The following MCUR1 variants were observed in gnomAD, a reference collection of about 807,000 sequenced individuals.
MCUR1 encodes mitochondrial calcium uniporter regulator 1, also known as MCU regulator 1.
MCUR1 carries 37 observed loss-of-function variants against 42.0 expected under a neutral mutation model. The ratio of observed to expected loss-of-function variants is 0.88; its 90% CI spans 0.68 to 1.16. The LOEUF (loss-of-function observed/expected upper bound fraction) is 1.16, where lower values mean the gene tolerates loss of function less well. MCUR1 is among the 50% of genes most tolerant of loss of function. MCUR1 has a pLI of 0.00. For missense variants in MCUR1, 469 were observed against 468.4 expected (o/e 1.00, Z -0.01); for synonymous variants, 229 against 196.2 (o/e 1.17, Z -1.40).
chr6:13,795,503 A>T (rs1447088315), intron 6 of MCUR1, among the ~76,000 whole-genome samples: 3 of 152,262 alleles, frequency 2.0e-5, no homozygotes, highest in Non-Finnish European at 2.9e-5. Flanking sequence ...ATTTAACATT[A>T]TAACTTTACC....
Position 13,790,625 on chromosome 6 carries a change from A to G in MCUR1, c.*184T>C. The G allele has an allele frequency of 2.5e-6, 1 of 399,200 alleles. No individual in the cohort carries two copies. The highest frequency in any genetic ancestry group is 4.7e-6 in the Non-Finnish European group (1 of 212,984). 24.7% of individuals were successfully genotyped at this position (399,200 alleles called of 1,614,324 possible). On this transcript the variant is annotated 3_prime_UTR_variant, in exon 9 of 9. Transcript: ENST00000379170. ...CGCCACCACGCCCGCCTAATGTTTT[A>G]ATTTTTTAGTAGAGACGGGGTTTCA...
intron 1 of MCUR1, among the ~76,000 whole-genome samples, chr6:13,807,901 G>C (rs1038675497): frequency 2.6e-5 from 4 of 152,226 alleles, no homozygotes; most frequent in South Asian, 2.1e-4. Flanking sequence ...CATTTTTTAT[G>C]GGCTTGTTGG....
chr6:13,799,051 A>T (rs1584985205), intron 5 of MCUR1, 147 bp from the exon 6 acceptor site: 1 of 589,634 alleles, frequency 1.7e-6, no homozygotes. Flanking sequence ...GCTTCCAGAG[A>T]AATGGACCTA....
In MCUR1 at chr6:13,793,967, T is replaced by C. The variant is rs769167296; in HGVS notation, c.856-20A>G. 1 of 1,611,790 alleles carries C rather than the reference T, an allele frequency of 6.2e-7. No homozygotes were observed. Among genetic ancestry groups the C allele is most frequent in the Non-Finnish European group, 8.5e-7 (1 of 1,178,576 alleles). The stretch of plus-strand genomic sequence containing the variant: ...TGAATACTGAAATAAACACGTAACA[T>C]GGGTCAGATTCTGATCTACTCCTCT... On this transcript the variant is annotated intron_variant, in intron 6 of 8. Transcript: ENST00000379170.
rs770047913 is a variant in MCUR1 at position 13,798,863 on chromosome 6, G to A, written c.825C>T (p.Phe275=). Residue 275 remains phenylalanine (F), a synonymous_variant, in exon 6 of 9, where the codon TTC becomes TTT. Transcript: ENST00000379170. Reference sequence around the variant, plus strand: ...CTTTTACTCTGCTCTTTTCTAGGTTGAAGTCTAATTTGGTATCTGTTCGGA... The same window carrying A: ...CTTTTACTCTGCTCTTTTCTAGGTTAAAGTCTAATTTGGTATCTGTTCGGA... The part of the protein sequence containing the change: ...IKVRTDTKLD[F]NLEKSRVKEL... 12 of 1,611,228 alleles carry A rather than the reference G, an allele frequency of 7.4e-6. No homozygotes were observed. The highest frequency in any genetic ancestry group is 1.1e-5 in the South Asian group (1 of 90,850).
At chr6:13,792,527 A>C (rs574633192) in intron 7 of MCUR1, among the ~76,000 whole-genome samples, 6 of 152,186 alleles carry the variant, frequency 3.9e-5, no homozygotes, top group Non-Finnish European at 7.4e-5. Context: ...TCATGTTCAA[A>C]TATCAAGTGT....
At chr6:13,797,754 T>C (rs76229032) in intron 6 of MCUR1, among the ~76,000 whole-genome samples, 6,585 of 151,422 alleles carry the variant, frequency 0.043, 296 homozygotes, top group East Asian at 0.23. Flanking sequence ...CCAGGCGCAG[T>C]GGCTCACTCC....
At chr6:13,799,419 G>A (rs1191771056) in intron 5 of MCUR1, among the ~76,000 whole-genome samples, 1 of 152,152 alleles carries the variant, frequency 6.6e-6, no homozygotes, top group African/African-American at 2.4e-5. Context: ...TCCTGACCTT[G>A]TGATCTACCC....
At chr6:13,800,787 G>A (rs939825868) in intron 4 of MCUR1, among the ~76,000 whole-genome samples, 3 of 152,116 alleles carry the variant, frequency 2.0e-5, no homozygotes, top group African/African-American at 7.2e-5. Flanking sequence ...CCTATTATGG[G>A]ACTTTAAATA....
chr6:13,809,674 A>T (rs1413431406), intron 1 of MCUR1, among the ~76,000 whole-genome samples: 1 of 151,160 alleles, frequency 6.6e-6, no homozygotes, highest in Non-Finnish European at 1.5e-5. Flanking sequence ...TGGGAAGATC[A>T]CTTGAGGCCA....
intron 2 of MCUR1, among the ~76,000 whole-genome samples, chr6:13,804,814 A>AAAAAAAAAAAAAAAAAAAAAAG (rs1230089057): frequency 6.7e-6 from 1 of 148,802 alleles, no homozygotes; most frequent in African/African-American, 2.5e-5. Flanking sequence ...AAAAAAAAAA[A>AAAAAAAAAAAAAAAAAAAAAAG]GTGGAAGTCT....
chr6:13,814,118 G>T lies in MCUR1; in HGVS notation c.312C>A (p.Ala104=). The T allele has an allele frequency of 7.9e-7, 1 of 1,258,810 alleles. No individual in the cohort carries two copies. Among genetic ancestry groups the T allele is most frequent in the South Asian group, 3.3e-5 (1 of 30,160 alleles). The allele number at this position is 1,258,810 out of a possible 1,614,324, so 78.0% of individuals were successfully genotyped here. Residue 104 remains alanine, a synonymous_variant, in exon 1 of 9, where the codon GCC becomes GCA. Coordinates refer to ENST00000379170, the MANE Select transcript of MCUR1 (RefSeq NM_001031713.4). ...RSRLGYAAPP[A]GRSSAWRCSP... The stretch of plus-strand genomic sequence containing the variant: ...AGCACCTCCACGCGCTGCTGCGCCC[G>T]GCCGGGGGTGCGGCATACCCGAGGC...
At chr6:13,807,087 A>G in intron 1 of MCUR1, 43 bp from the exon 2 acceptor site, 1 of 1,555,358 alleles carries the variant, frequency 6.4e-7, no homozygotes, top group Non-Finnish European at 8.7e-7. Context: ...ACTTCATGCA[A>G]AACAAAAGCA....
chr6:13,812,432 C>A (rs928654101), intron 1 of MCUR1, among the ~76,000 whole-genome samples: 7 of 152,208 alleles, frequency 4.6e-5, no homozygotes, highest in African/African-American at 1.7e-4. Context: ...TACCACCTTA[C>A]CGATTGGTCA....
intron 7 of MCUR1, among the ~76,000 whole-genome samples, chr6:13,793,482 G>C (rs140441488): frequency 3.9e-5 from 6 of 152,286 alleles, no homozygotes; most frequent in African/African-American, 1.4e-4. Flanking sequence ...GAACCTTCAG[G>C]ACACTGTGTT....
At chr6:13,810,660 G>A (rs763275246) in intron 1 of MCUR1, among the ~76,000 whole-genome samples, 6 of 152,178 alleles carry the variant, frequency 3.9e-5, no homozygotes, top group Non-Finnish European at 5.9e-5. Flanking sequence ...CAAATGTGAC[G>A]CTTTGCTGCA....
At chr6:13,794,068 C>T (rs1393267720) in intron 6 of MCUR1, 121 bp from the exon 7 acceptor site, 1 of 797,454 alleles carries the variant, frequency 1.3e-6, no homozygotes, top group Non-Finnish European at 2.1e-6. Flanking sequence ...AAAGTCACCT[C>T]TGGGATTAAG....
chr6:13,814,056 T>G lies in MCUR1; in HGVS notation c.374A>C (p.Gln125Pro), dbSNP rs1760302685. Residue 125 changes from glutamine (Q) to proline (P), a missense_variant, in exon 1 of 9, where the codon CAG (glutamine) becomes CCG (proline). By Grantham distance (76) the Gln-to-Pro change is moderately conservative. Coordinates refer to ENST00000379170, the MANE Select transcript of MCUR1 (RefSeq NM_001031713.4). ...GVAAAAGALP[Q>P]YHGPAPALVS... ...GAGTGCAGGCGCCGGGCCGTGGTAC[T>G]GGGGAAGGGCGCCGGCGGCAGCGGC... 1 of 1,238,816 alleles carries G rather than the reference T, an allele frequency of 8.1e-7. No homozygotes were observed. The highest frequency in any genetic ancestry group is 1.0e-6 in the Non-Finnish European group (1 of 993,002). The allele number at this position is 1,238,816 out of a possible 1,614,324, so 76.7% of individuals were successfully genotyped here. A position where few individuals can be genotyped will look rare whatever the true frequency, so the allele number is the denominator to read the frequency against.
chr6:13,791,939 C>T lies in MCUR1; in HGVS notation c.963G>A (p.Glu321=), dbSNP rs768769472. 3 of 1,613,868 alleles carry T rather than the reference C, an allele frequency of 1.9e-6. No individual in the cohort carries two copies. Among genetic ancestry groups the T allele is most frequent in the Admixed American group, 3.3e-5 (2 of 59,980 alleles). The change falls in exon 8 of 9, where the codon GAG becomes GAA. Residue 321 remains glutamate (E), a synonymous_variant. Coordinates refer to ENST00000379170, the MANE Select transcript of MCUR1 (RefSeq NM_001031713.4). ...LTQTDRKIET[E]VAGLKTMLES... ...CAAGCATGGTTTTGAGGCCAGCAAC[C>T]TCAGTTTCGATCTTCCTGTCTGTCT...
Sources: allele counts gnomAD v4.1 joint callset (sites outside exome capture counted in the v4.1 genomes callset), GRCh38; gene constraint gnomAD v4.1.1; transcripts MANE v1.5; gene names NCBI Gene and HGNC (gene_info 2026-07-23, HGNC 2026-07-21).